C3orf20: variants seen among roughly 807,000 people sequenced by gnomAD.
C3orf20 encodes the protein uncharacterized protein C3orf20.
C3orf20 carries 76 observed loss-of-function variants against 88.3 expected under a neutral mutation model. That is an observed-to-expected ratio of 0.86 (90% CI 0.72 to 1.04). The LOEUF (loss-of-function observed/expected upper bound fraction) is 1.04. C3orf20 is among the 50% of genes least tolerant of loss of function. The pLI is 0.00. For missense variants in C3orf20, 1,056 were observed against 1,123.3 expected, an observed-to-expected ratio of 0.94 and a Z score of 0.86; for synonymous variants, 436 against 437.4, an observed-to-expected ratio of 1.00 and a Z score of 0.04.
intron 15 of C3orf20, among the ~76,000 whole-genome samples, chr3:14,770,606 C>T (rs913143907): frequency 6.6e-6 from 1 of 152,178 alleles, no homozygotes; most frequent in Admixed American, 6.5e-5. Flanking sequence ...CCAGAGCTAC[C>T]TCAAGCCCCC....
chr3:14,704,490 G>A lies in C3orf20; in HGVS notation c.1032G>A (p.Gln344=), dbSNP rs2124937899. The A allele has an allele frequency of 6.2e-7, 1 of 1,614,126 alleles. No homozygotes were observed. Among genetic ancestry groups the A allele is most frequent in the South Asian group, 1.1e-5 (1 of 91,076 alleles). The change falls in exon 7 of 17, where the codon CAG becomes CAA. Residue 344 remains glutamine (Q), a synonymous_variant. Coordinates refer to ENST00000253697, the MANE Select transcript of C3orf20 (RefSeq NM_032137.5). ...GLHYPPTAGA[Q]TLSPTSHPSS... is the part of the protein sequence containing the mutation. ...ATTACCCTCCCACTGCAGGTGCTCA[G>A]ACTCTCAGCCCCACCTCTCACCCAT...
intron 10 of C3orf20, chr3:14,722,000 T>A: frequency 1.8e-6 from 1 of 562,844 alleles, no homozygotes; most frequent in South Asian, 2.3e-5. Flanking sequence ...AGTGACAGAA[T>A]CCAGTGTGGA....
At chr3:14,731,520 G>A (rs779339653) in intron 12 of C3orf20, among the ~76,000 whole-genome samples, 4 of 152,138 alleles carry the variant, frequency 2.6e-5, no homozygotes, top group Non-Finnish European at 4.4e-5. Context: ...TGTGTCTTCT[G>A]GTGCACAGTG....
chr3:14,763,650 T>A (rs2035620879), intron 15 of C3orf20, among the ~76,000 whole-genome samples: 1 of 152,130 alleles, frequency 6.6e-6, no homozygotes, highest in South Asian at 2.1e-4. Context: ...TGCTCTTTAG[T>A]AGGAAATGAC....
At chr3:14,731,299 AT>A (rs1422852859) in intron 12 of C3orf20, among the ~76,000 whole-genome samples, 1 of 152,168 alleles carries the variant, frequency 6.6e-6, no homozygotes, top group Non-Finnish European at 1.5e-5. Context: ...ATTCATCCAT[AT>A]TGTTACATGG....
chr3:14,770,491 G>A (rs1051732625), intron 15 of C3orf20, among the ~76,000 whole-genome samples: 1 of 152,112 alleles, frequency 6.6e-6, no homozygotes, highest in Non-Finnish European at 1.5e-5. Context: ...GATTTAGACA[G>A]CCCGTAAACA....
intron 13 of C3orf20, among the ~76,000 whole-genome samples, chr3:14,759,372 C>T (rs958670642): frequency 2.0e-5 from 3 of 152,102 alleles, no homozygotes; most frequent in Admixed American, 1.3e-4. Context: ...GGCCAGCTTT[C>T]CTCTGAATTG....
chr3:14,690,982 T>C (rs2032701200), intron 5 of C3orf20, among the ~76,000 whole-genome samples: 1 of 152,190 alleles, frequency 6.6e-6, no homozygotes, highest in Admixed American at 6.5e-5. Context: ...CTCACCTCCA[T>C]GTTGGTAAAA....
At chr3:14,765,361 G>T (rs2035674469) in intron 15 of C3orf20, 1 of 152,274 alleles carries the variant, frequency 6.6e-6, no homozygotes, top group Non-Finnish European at 1.5e-5. Context: ...CTGATGGTCA[G>T]AGGCCATGGA....
chr3:14,772,798 G>A lies in C3orf20; in HGVS notation c.2638G>A (p.Glu880Lys), dbSNP rs771194551. 1.1e-5 allele frequency: 18 copies of A among 1,613,584 alleles called. No individual in the cohort carries two copies. The highest frequency in any genetic ancestry group is 5.3e-5 in the African/African-American group (4 of 74,926). ...CTCTATTTTGATCTTTAGGACAAGAGAGCCTGAAGTGGAGCTACATCCTCT... is the reference window on the plus strand; with the variant it reads ...CTCTATTTTGATCTTTAGGACAAGAAAGCCTGAAGTGGAGCTACATCCTCT... ...ELSLEAEKTR[E>K]PEVELHPLSR... Residue 880 changes from glutamate (E) to lysine (K), a missense_variant, in exon 17 of 17, where the codon GAG becomes AAG. Physicochemically the swap from Glu to Lys is moderately conservative, Grantham distance 56 (BLOSUM62 1). Coordinates refer to ENST00000253697, the MANE Select transcript of C3orf20 (RefSeq NM_032137.5). This position sits in a 1 kb window ranked among gnomAD's most constrained non-coding sequence, Gnocchi z 4.2.
At chr3:14,742,772 A>G (rs1271749710) in intron 12 of C3orf20, among the ~76,000 whole-genome samples, 2 of 152,188 alleles carry the variant, frequency 1.3e-5, no homozygotes, top group Non-Finnish European at 2.9e-5. Flanking sequence ...GTGGGAGGCT[A>G]AAGGCTCTTC....
chr3:14,755,800 C>T (rs2035344997), intron 12 of C3orf20, among the ~76,000 whole-genome samples: 3 of 151,970 alleles, frequency 2.0e-5, no homozygotes, highest in East Asian at 1.9e-4. Context: ...GAGGCCGAGG[C>T]GGGCAGATCA....
chr3:14,710,752 A>G (rs1218081657), intron 7 of C3orf20, among the ~76,000 whole-genome samples: 3 of 152,190 alleles, frequency 2.0e-5, no homozygotes, highest in Non-Finnish European at 1.5e-5. Flanking sequence ...TTTGTGGCCT[A>G]ACATATTGTC....
At chr3:14,758,116 T>A (rs1315039052) in intron 13 of C3orf20, among the ~76,000 whole-genome samples, 1 of 152,136 alleles carries the variant, frequency 6.6e-6, no homozygotes, top group African/African-American at 2.4e-5. Flanking sequence ...ATGACTCAGA[T>A]GCAAACCGGG....
chr3:14,761,385 A>C (rs1338228462), intron 14 of C3orf20, 88 bp from the exon 15 acceptor site: 2 of 1,484,910 alleles, frequency 1.3e-6, no homozygotes, highest in Non-Finnish European at 1.9e-6. Flanking sequence ...GCGCTGTTCT[A>C]GTGAAATTCC....
chr3:14,728,350 A>G, intron 11 of C3orf20, 89 bp from the exon 12 acceptor site: 1 of 1,534,178 alleles, frequency 6.5e-7, no homozygotes, highest in Non-Finnish European at 8.9e-7. Context: ...GGGTGAGCCA[A>G]GGTGCACTTA....
chr3:14,766,591 C>G (rs2035710544), intron 15 of C3orf20, among the ~76,000 whole-genome samples: 1 of 152,226 alleles, frequency 6.6e-6, no homozygotes, highest in Non-Finnish European at 1.5e-5. Context: ...GGGTCACACA[C>G]TAGTCACTAT....
intron 12 of C3orf20, among the ~76,000 whole-genome samples, chr3:14,747,018 A>T (rs748084495): frequency 6.6e-6 from 1 of 152,224 alleles, no homozygotes; most frequent in African/African-American, 2.4e-5. Context: ...TGTTGTAGCC[A>T]TTGAGTAGCA....
intron 15 of C3orf20, 77 bp downstream of exon 15, chr3:14,761,692 A>C: frequency 9.1e-7 from 1 of 1,103,092 alleles, no homozygotes; most frequent in Non-Finnish European, 1.3e-6. Flanking sequence ...GGGCTGTGAA[A>C]GGGGAACTGA....
Sources: allele counts gnomAD v4.1 joint callset (sites outside exome capture counted in the v4.1 genomes callset), GRCh38; gene constraint gnomAD v4.1.1; non-coding constraint Gnocchi (gnomAD v3.1); transcripts MANE v1.5; gene names NCBI Gene and HGNC (gene_info 2026-07-23, HGNC 2026-07-21).